The following MICB variants were observed in gnomAD, a reference collection of about 807,000 sequenced individuals.
MICB encodes the protein MHC class I polypeptide-related sequence B, also known as MHC class I antigen-related protein B.
A neutral mutation model predicts 34.3 loss-of-function variants in MICB; 27 were observed. The observed-to-expected ratio is 0.79, with a 90% CI of 0.58 to 1.08. The LOEUF is 1.08. Ranked by LOEUF, MICB falls within the 50% of genes least tolerant of loss-of-function variation. The probability of loss-of-function intolerance (pLI) is 0.00; values close to 1 mark genes in which losing one functional copy is unlikely to be tolerated. For missense variants in MICB, 426 were observed against 483.1 expected (o/e 0.88, Z 1.11); for synonymous variants, 153 against 187.4 (o/e 0.82, Z 1.50).
At chr6:31,501,254 T>C (rs1173842025) in intron 1 of MICB, among the ~76,000 whole-genome samples, 1 of 152,238 alleles carries the variant, frequency 6.6e-6, no homozygotes, top group Non-Finnish European at 1.5e-5. Context: ...ACTATTCAGA[T>C]CTTTTGCTCA....
At chr6:31,502,451 T>A (rs1316273170) in intron 1 of MICB, among the ~76,000 whole-genome samples, 1 of 152,246 alleles carries the variant, frequency 6.6e-6, no homozygotes, top group Non-Finnish European at 1.5e-5. Flanking sequence ...ATTGGAGAGA[T>A]CTTTCACTTC....
At chr6:31,498,490 G>T (rs1356535652) in intron 1 of MICB, among the ~76,000 whole-genome samples, 4 of 102,316 alleles carry the variant, frequency 3.9e-5, no homozygotes, top group African/African-American at 1.1e-4. Flanking sequence ...TTTTCTTTCT[G>T]AGACGGAGTC....
Position 31,507,992 on chromosome 6 carries a change from C to T in MICB, c.1024+461C>T, listed in dbSNP as rs1765451529. Among the ~76,000 whole-genome samples the T allele has an allele frequency of 6.6e-6, 1 of 152,122 alleles. No individual in the cohort carries two copies. The highest frequency in any genetic ancestry group is 6.5e-5 in the Admixed American group (1 of 15,276). On this transcript the variant is annotated intron_variant, in intron 5 of 5. Transcript: ENST00000252229. The surrounding 1 kb of genome is among the most constrained non-coding windows in gnomAD (Gnocchi z 6.0). Reference sequence around the variant, plus strand: ...GAGGAATCCAAGGAGAGGCGATGCCCACCCGTGTGCCTCCTCCAGGAGGCA... The same window carrying T: ...GAGGAATCCAAGGAGAGGCGATGCCTACCCGTGTGCCTCCTCCAGGAGGCA...
At chr6:31,504,252 TTC>T (rs1272003835) in intron 1 of MICB, among the ~76,000 whole-genome samples, 15 of 99,138 alleles carry the variant, frequency 1.5e-4, no homozygotes, top group Admixed American at 9.9e-4. Context: ...CTCTCTCTTT[TTC>T]TTTTTTTTTT....
intron 1 of MICB, among the ~76,000 whole-genome samples, chr6:31,499,102 G>A (rs2855816): frequency 0.31 from 47,597 of 151,624 alleles, 7,648 homozygotes; most frequent in Middle Eastern, 0.38. Context: ...GCTTCTTGCT[G>A]CTGTGGGGAC....
chr6:31,502,063 C>T (rs1765046151), intron 1 of MICB, among the ~76,000 whole-genome samples: 2 of 152,062 alleles, frequency 1.3e-5, no homozygotes, highest in Non-Finnish European at 2.9e-5. Flanking sequence ...CGGCTGGGCA[C>T]GGTGGCTCAC....
At chr6:31,503,445 A>T (rs3094002) in intron 1 of MICB, among the ~76,000 whole-genome samples, 1 of 152,044 alleles carries the variant, frequency 6.6e-6, no homozygotes, top group African/African-American at 2.4e-5. Context: ...CCCATTAATC[A>T]GTAACTCCCC....
At chr6:31,501,791 G>C (rs892982105) in intron 1 of MICB, among the ~76,000 whole-genome samples, 8 of 152,136 alleles carry the variant, frequency 5.3e-5, no homozygotes, top group Admixed American at 5.2e-4. Context: ...ATTGGTCCGT[G>C]TGTCTGTTTT....
In MICB at chr6:31,511,081, ATG is replaced by A. The variant is rs1765643591; in HGVS notation, c.*1177_*1178del. The A allele has an allele frequency of 2.6e-5, 4 of 152,110 alleles. No individual in the cohort carries two copies. Among genetic ancestry groups the A allele is most frequent in the Admixed American group, 2.6e-4 (4 of 15,264 alleles). 9.4% of individuals were successfully genotyped at this position (152,110 alleles called of 1,614,324 possible). A position where few individuals can be genotyped will look rare whatever the true frequency, so the allele number is the denominator to read the frequency against. ...TATGCATTACTCTGTGTCTACTATT[ATG>A]TGTGCATAATTTATACCGTAAATGT... is the stretch of plus-strand genomic sequence containing the variant. On this transcript the variant is annotated 3_prime_UTR_variant, in exon 6 of 6. Coordinates refer to ENST00000252229, the MANE Select transcript of MICB (RefSeq NM_005931.5).
At position 31,505,974 on chromosome 6, in the gene MICB, G is replaced by T; in HGVS notation, c.325+103G>T. The stretch of plus-strand genomic sequence containing the variant: ...TCCCGCTGGATCTGGCTGGGGGTGG[G>T]GATGAGGAATAGGGTCAGGGAGGCT... On this transcript the variant is annotated intron_variant, in intron 2 of 5. Transcript: ENST00000252229. 3.4e-6 allele frequency: 5 copies of T among 1,491,438 alleles called. No homozygotes were observed. In the South Asian group the frequency reaches 6.7e-5, roughly 20 times the overall value. The allele number at this position is 1,491,438 out of a possible 1,614,324, so 92.4% of individuals were successfully genotyped here. A position where few individuals can be genotyped will look rare whatever the true frequency, so the allele number is the denominator to read the frequency against.
intron 5 of MICB, among the ~76,000 whole-genome samples, chr6:31,509,387 G>T (rs1765534927): frequency 6.6e-6 from 1 of 152,246 alleles, no homozygotes; most frequent in Non-Finnish European, 1.5e-5. Context: ...GCCTGCCCTG[G>T]TGTGCAGGTG....
intron 1 of MICB, among the ~76,000 whole-genome samples, chr6:31,503,061 A>T (rs1765093218): frequency 6.6e-6 from 1 of 152,192 alleles, no homozygotes; most frequent in African/African-American, 2.4e-5. Context: ...TTGTGTATGC[A>T]TACCTGGAAT....
At chr6:31,499,342 C>A (rs540833561) in intron 1 of MICB, among the ~76,000 whole-genome samples, 1 of 152,192 alleles carries the variant, frequency 6.6e-6, no homozygotes, top group East Asian at 1.9e-4. Flanking sequence ...CTGTTGCTCT[C>A]CCAGCTCCCT....
In MICB at chr6:31,506,162, G is replaced by T; in HGVS notation, c.345G>T (p.Glu115Asp). ...GGGCAGGCTTGCATTCCCTCCAGGA[G>T]ATTAGGGTCTGTGAGATCCATGAAG... ...DQKGGLHSLQ[E>D]IRVCEIHEDS... Residue 115 changes from glutamate (E) to aspartate (D), a missense_variant, in exon 3 of 6, where the codon GAG becomes GAT. Coordinates refer to ENST00000252229, the MANE Select transcript of MICB (RefSeq NM_005931.5). 1 of 1,613,862 alleles carries T rather than the reference G, an allele frequency of 6.2e-7. No homozygotes were observed. The highest frequency in any genetic ancestry group is 8.5e-7 in the Non-Finnish European group (1 of 1,179,880).
rs1375966388 is a variant in MICB, at chr6:31,507,967, G to A, written c.1024+436G>A. Among the ~76,000 whole-genome samples the A allele has an allele frequency of 6.6e-6, 1 of 152,186 alleles. No homozygotes were observed. The highest frequency in any genetic ancestry group is 2.4e-5 in the African/African-American group (1 of 41,446). On this transcript the variant is annotated intron_variant, in intron 5 of 5. Transcript: ENST00000252229. This position sits in a 1 kb window ranked among gnomAD's most constrained non-coding sequence, Gnocchi z 6.0. ...GATCTGGGGAGGGCCAGAAACTGGA[G>A]AGGAATCCAAGGAGAGGCGATGCCC...
chr6:31,504,119 G>T (rs1765152701), intron 1 of MICB, among the ~76,000 whole-genome samples: 1 of 151,856 alleles, frequency 6.6e-6, no homozygotes, highest in South Asian at 2.1e-4. Context: ...TGAAGAATTG[G>T]CCATTGAAGT....
At position 31,498,150 on chromosome 6, in the gene MICB, G is replaced by T. The variant is rs763155495; in HGVS notation, c.-44G>T. 6 of 1,523,116 alleles carry T rather than the reference G, an allele frequency of 3.9e-6. No individual in the cohort carries two copies. The highest frequency in any genetic ancestry group is 3.6e-5 in the Admixed American group (2 of 55,108). 94.4% of individuals were successfully genotyped at this position (1,523,116 alleles called of 1,614,324 possible). A position where few individuals can be genotyped will look rare whatever the true frequency, so the allele number is the denominator to read the frequency against. ...GGGGTCTTCTCACGGGTTTCATTCA[G>T]TTGGCCACTGCTGAGCAGCTGAGAA... On this transcript the variant is annotated 5_prime_UTR_variant, in exon 1 of 6. Transcript: ENST00000252229.
chr6:31,502,102 G>A (rs188037138), intron 1 of MICB, among the ~76,000 whole-genome samples: 10 of 152,232 alleles, frequency 6.6e-5, no homozygotes, highest in East Asian at 1.9e-4. Flanking sequence ...TTGGGAGGCC[G>A]AGTCAGGTGG....
intron 3 of MICB, 100 bp from the exon 4 acceptor site, chr6:31,506,922 G>A: frequency 1.3e-6 from 2 of 1,526,700 alleles, no homozygotes; most frequent in Non-Finnish European, 1.8e-6. Context: ...ATCTGTGAGG[G>A]ATTCAGCCAG....
Sources: allele counts gnomAD v4.1 joint callset (sites outside exome capture counted in the v4.1 genomes callset), GRCh38; gene constraint gnomAD v4.1.1; non-coding constraint Gnocchi (gnomAD v3.1); transcripts MANE v1.5; gene names NCBI Gene and HGNC (gene_info 2026-07-23, HGNC 2026-07-21).